KCNH7: variants seen among roughly 807,000 people sequenced by gnomAD.
KCNH7 encodes the protein voltage-gated inwardly rectifying potassium channel KCNH7.
In KCNH7, 49 loss-of-function variants were observed where a neutral mutation model predicts 120.8. The ratio of observed to expected loss-of-function variants is 0.41; its 90% CI spans 0.32 to 0.51. KCNH7 has a LOEUF of 0.51. KCNH7 is among the 20% of genes least tolerant of loss of function. The probability of loss-of-function intolerance (pLI) is 0.38; values close to 1 mark genes in which losing one functional copy is unlikely to be tolerated. For missense variants in KCNH7, 1,097 were observed against 1,446.6 expected, an observed-to-expected ratio of 0.76 and a Z score of 3.92; for synonymous variants, 547 against 516.1, an observed-to-expected ratio of 1.06 and a Z score of -0.81.
intron 2 of KCNH7, among the ~76,000 whole-genome samples, chr2:162,618,896 GT>G (rs1327664705): frequency 6.6e-6 from 1 of 152,144 alleles, no homozygotes; most frequent in Admixed American, 6.5e-5. Flanking sequence ...ACTAAGCAGT[GT>G]TGCTATGGAT....
intron 2 of KCNH7, among the ~76,000 whole-genome samples, chr2:162,556,314 T>C (rs1476475456): frequency 1.3e-5 from 2 of 152,172 alleles, no homozygotes; most frequent in Non-Finnish European, 2.9e-5. Flanking sequence ...TTATAAACTA[T>C]TATTATTATC....
intron 2 of KCNH7, among the ~76,000 whole-genome samples, chr2:162,632,086 TG>T (rs1683787457): frequency 6.6e-6 from 1 of 152,006 alleles, no homozygotes; most frequent in Non-Finnish European, 1.5e-5. Context: ...GGAAAAAAGC[TG>T]CCCGTATTTG....
Position 162,625,079 on chromosome 2 carries a change from T to G in KCNH7, c.308-87999A>C, listed in dbSNP as rs1683504384. 2.0e-5 allele frequency among the ~76,000 whole-genome samples: 3 copies of G among 151,854 alleles called. No homozygotes were observed. The South Asian group carries it at 6.2e-4, about 32-fold the overall frequency. On this transcript the variant is annotated intron_variant, in intron 2 of 15. Transcript: ENST00000332142. Reference sequence around the variant, plus strand: ...CACCTGGCTAATTTGGTATTTTTAGTAGAGATGGGGTATTTCCATGTTGGT... The same window carrying G: ...CACCTGGCTAATTTGGTATTTTTAGGAGAGATGGGGTATTTCCATGTTGGT...
intron 7 of KCNH7, among the ~76,000 whole-genome samples, chr2:162,441,075 T>G (rs1688401832): frequency 6.6e-6 from 1 of 152,122 alleles, no homozygotes; most frequent in South Asian, 2.1e-4. Context: ...TTAAAAGTCA[T>G]GCCATACATT....
intron 2 of KCNH7, among the ~76,000 whole-genome samples, chr2:162,674,025 C>T (rs548652184): frequency 6.6e-6 from 1 of 151,868 alleles, no homozygotes. Context: ...CCACAATCAT[C>T]ATTGCTAGTA....
chr2:162,781,077 T>C (rs1428910280), intron 2 of KCNH7, among the ~76,000 whole-genome samples: 1 of 152,088 alleles, frequency 6.6e-6, no homozygotes, highest in Non-Finnish European at 1.5e-5. Context: ...TACTCTATTT[T>C]AATTTTTAAT....
chr2:162,837,062 T>A (rs1167242214), intron 1 of KCNH7, among the ~76,000 whole-genome samples: 1 of 152,218 alleles, frequency 6.6e-6, no homozygotes, highest in Non-Finnish European at 1.5e-5. Flanking sequence ...GGGTTCCTAG[T>A]GGACACTCAG....
intron 2 of KCNH7, among the ~76,000 whole-genome samples, chr2:162,747,495 A>T (rs1688355586): frequency 6.6e-6 from 1 of 152,178 alleles, no homozygotes; most frequent in South Asian, 2.1e-4. Flanking sequence ...TGATGTGTTT[A>T]AAAAGTGTTG....
At chr2:162,538,968 A>G (rs1692206447) in intron 2 of KCNH7, among the ~76,000 whole-genome samples, 1 of 152,112 alleles carries the variant, frequency 6.6e-6, no homozygotes, top group Non-Finnish European at 1.5e-5. Context: ...CTAATTTCAT[A>G]TTATCTATAA....
intron 2 of KCNH7, among the ~76,000 whole-genome samples, chr2:162,760,976 C>T (rs950207064): frequency 1.3e-5 from 2 of 152,042 alleles, no homozygotes; most frequent in African/African-American, 4.8e-5. Context: ...ATTCTAGTTG[C>T]TTGGCTGTGA....
At position 162,417,039 on chromosome 2, in the gene KCNH7, A is replaced by T. The variant is rs190902503; in HGVS notation, c.2154+6297T>A. On this transcript the variant is annotated intron_variant, in intron 9 of 15. Coordinates refer to ENST00000332142, the MANE Select transcript of KCNH7 (RefSeq NM_033272.4). ...CTATATGATAATTTGGGCTAAGATG[A>T]ACTACATCTGAATGTTTTCACTTTT... is the stretch of plus-strand genomic sequence containing the variant. Among the ~76,000 whole-genome samples, 10 of 152,320 alleles carry T rather than the reference A, an allele frequency of 6.6e-5. No homozygotes were observed. In the East Asian group the frequency reaches 1.9e-3, roughly 29 times the overall value.
intron 2 of KCNH7, among the ~76,000 whole-genome samples, chr2:162,808,484 A>G (rs1193830785): frequency 6.6e-6 from 1 of 152,216 alleles, no homozygotes; most frequent in Non-Finnish European, 1.5e-5. Context: ...TTTTGACTAC[A>G]TACTATATAG....
Position 162,737,857 on chromosome 2 carries a change from G to T in KCNH7, c.307+98680C>A, listed in dbSNP as rs370160613. Among the ~76,000 whole-genome samples the T allele has an allele frequency of 6.0e-4, 91 of 152,104 alleles. 1 individual carries two copies. Among genetic ancestry groups the T allele is most frequent in the African/African-American group, 2.2e-3 (90 of 41,516 alleles). The stretch of plus-strand genomic sequence containing the variant: ...AGGTGGGTGGATCACTTGAGGTCAG[G>T]GGTGGGAGAGCAACCTGGCTAACAT... On this transcript the variant is annotated intron_variant, in intron 2 of 15. Transcript: ENST00000332142.
chr2:162,503,159 T>C (rs570250648), intron 6 of KCNH7, among the ~76,000 whole-genome samples: 1 of 152,188 alleles, frequency 6.6e-6, no homozygotes, highest in South Asian at 2.1e-4. Context: ...TTAAATTTTA[T>C]TCCCTTATGC....
At chr2:162,834,372 C>T (rs1239573589) in intron 2 of KCNH7, among the ~76,000 whole-genome samples, 1 of 151,976 alleles carries the variant, frequency 6.6e-6, no homozygotes, top group African/African-American at 2.4e-5. Flanking sequence ...ATGCTTGACC[C>T]ATTTTCTCAT....
At chr2:162,658,893 A>G (rs1684860096) in intron 2 of KCNH7, among the ~76,000 whole-genome samples, 1 of 152,214 alleles carries the variant, frequency 6.6e-6, no homozygotes, top group African/African-American at 2.4e-5. Context: ...TGAATGCTCT[A>G]CACAGACAAT....
chr2:162,699,012 T>G (rs1484479532), intron 2 of KCNH7, among the ~76,000 whole-genome samples: 1 of 152,138 alleles, frequency 6.6e-6, no homozygotes, highest in Admixed American at 6.6e-5. Flanking sequence ...TATGTATACA[T>G]ATTATAAATG....
At chr2:162,526,247 C>T (rs1324082507) in intron 3 of KCNH7, among the ~76,000 whole-genome samples, 1 of 151,802 alleles carries the variant, frequency 6.6e-6, no homozygotes, top group Non-Finnish European at 1.5e-5. Context: ...TATCACAAGG[C>T]AAATGGAGGC....
chr2:162,815,234 GA>G (rs1684878114), intron 2 of KCNH7, among the ~76,000 whole-genome samples: 1 of 152,020 alleles, frequency 6.6e-6, no homozygotes, highest in Admixed American at 6.6e-5. Context: ...ATAATAGGAG[GA>G]AAAGAATTAT....
Sources: allele counts gnomAD v4.1 joint callset (sites outside exome capture counted in the v4.1 genomes callset), GRCh38; gene constraint gnomAD v4.1.1; transcripts MANE v1.5; gene names NCBI Gene and HGNC (gene_info 2026-07-23, HGNC 2026-07-21).